CRYBG2: variants seen among roughly 807,000 people sequenced by gnomAD.
CRYBG2 encodes crystallin beta-gamma domain containing 2.
Under a neutral mutation model 153.4 loss-of-function variants are expected in CRYBG2, and 106 were observed. The observed-to-expected ratio is 0.69, with a 90% confidence interval of 0.59 to 0.81. CRYBG2 has a LOEUF of 0.81. Ranked by LOEUF, CRYBG2 falls within the 30% of genes least tolerant of loss-of-function variation. The pLI is 0.00. For synonymous variants in CRYBG2, 851 were observed against 877.8 expected, an observed-to-expected ratio of 0.97 and a Z score of 0.54; for missense variants, 1,996 against 2,112.0, an observed-to-expected ratio of 0.95 and a Z score of 1.08.
intron 14 of CRYBG2, among the ~76,000 whole-genome samples, chr1:26,334,653 G>A (rs1042635951): frequency 5.9e-5 from 9 of 152,200 alleles, no homozygotes; most frequent in South Asian, 2.1e-4. Context: ...AGCCAGGCAC[G>A]GTGGCTCATG....
chr1:26,350,920 G>T (rs2074279439), intron 1 of CRYBG2, among the ~76,000 whole-genome samples: 1 of 151,956 alleles, frequency 6.6e-6, no homozygotes, highest in Non-Finnish European at 1.5e-5. Context: ...CTGAGAAGCT[G>T]GTGGAATTCA....
chr1:26,342,852 C>A lies in CRYBG2; in HGVS notation c.3106G>T (p.Gly1036Cys), dbSNP rs765810219. The A allele has an allele frequency of 6.2e-7, 1 of 1,613,972 alleles. No homozygotes were observed. The highest frequency in any genetic ancestry group is 1.3e-5 in the African/African-American group (1 of 74,902). ...WVLYEEPEFR[G>C]QKLVLPEGDM... Reference sequence around the variant, plus strand: ...CCTTCAGGCAGGACCAGCTTCTGACCCCGGAACTCTGGCTCTTCGTACAGC... The same window carrying A: ...CCTTCAGGCAGGACCAGCTTCTGACACCGGAACTCTGGCTCTTCGTACAGC... The change falls in exon 5 of 20, where the codon GGT (glycine) becomes TGT (cysteine). Residue 1036 changes from glycine to cysteine, a missense_variant. Transcript: ENST00000308182.
intron 14 of CRYBG2, among the ~76,000 whole-genome samples, chr1:26,334,178 T>A (rs1330912172): frequency 6.6e-6 from 1 of 152,088 alleles, no homozygotes; most frequent in East Asian, 1.9e-4. Flanking sequence ...ATCCCAACAC[T>A]TTGGGAGACC....
intron 14 of CRYBG2, among the ~76,000 whole-genome samples, chr1:26,334,664 C>T (rs956394321): frequency 6.6e-6 from 1 of 152,088 alleles, no homozygotes; most frequent in Non-Finnish European, 1.5e-5. Flanking sequence ...GTGGCTCATG[C>T]CTGTAATCCC....
In CRYBG2 at chr1:26,339,448, A is replaced by G. The variant is rs752577816; in HGVS notation, c.3205-19T>C. ...TGTAGTCCTGTGGAAGGAGGGGGAA[A>G]ATTAAATATAGATAAACAGCCAGGC... On this transcript the variant is annotated intron_variant, in intron 5 of 19. Transcript: ENST00000308182. 1.9e-6 allele frequency: 3 copies of G among 1,613,046 alleles called. No individual in the cohort carries two copies. The highest frequency in any genetic ancestry group is 2.5e-6 in the Non-Finnish European group (3 of 1,179,846).
intron 5 of CRYBG2, 104 bp from the exon 6 acceptor site, chr1:26,339,533 A>T: frequency 7.7e-7 from 1 of 1,293,646 alleles, no homozygotes; most frequent in Non-Finnish European, 1.1e-6. Context: ...AGATCACCTG[A>T]GGTCAGCAGT....
rs2074222291 is a variant in CRYBG2, at chr1:26,346,436, CTCT to C, written c.219_221del (p.Glu74del). 1.2e-6 allele frequency: 2 copies of C among 1,602,800 alleles called. No homozygotes were observed. The highest frequency in any genetic ancestry group is 2.7e-5 in the African/African-American group (2 of 74,882). ...CCCGAGGGCCCTGGCAATTCACAGT[CTCT>C]TCTTCCTGTGTTGCAAAGCCATTGA... On this transcript the variant is annotated inframe_deletion, in exon 2 of 20. Transcript: ENST00000308182. The surrounding 1 kb of genome is among the most constrained non-coding windows in gnomAD (Gnocchi z 4.9).
intron 6 of CRYBG2, 44 bp downstream of exon 6, chr1:26,339,246 C>T (rs1446737422): frequency 6.3e-7 from 1 of 1,591,740 alleles, no homozygotes; most frequent in Non-Finnish European, 8.5e-7. Context: ...GCACCCAGCA[C>T]AGTGAATGTC....
At chr1:26,347,082 G>C (rs569172462) in intron 1 of CRYBG2, among the ~76,000 whole-genome samples, 154 of 152,268 alleles carry the variant, frequency 1.0e-3, no homozygotes, top group African/African-American at 3.5e-3. Flanking sequence ...AGTCCCCCAG[G>C]AGCTGAAAAC....
At chr1:26,322,422 G>A (rs1002246308) in intron 18 of CRYBG2, 99 bp from the exon 19 acceptor site, 4 of 1,376,030 alleles carry the variant, frequency 2.9e-6, no homozygotes, top group Non-Finnish European at 2.9e-6. Context: ...CTGGCTCTTA[G>A]GGACTGTGGC....
rs774809814 is a variant in CRYBG2, at chr1:26,345,610, A to G, written c.1048T>C (p.Ser350Pro). 102 of 1,600,084 alleles carry G rather than the reference A, an allele frequency of 6.4e-5. No homozygotes were observed. The highest frequency in any genetic ancestry group is 8.5e-5 in the Non-Finnish European group (100 of 1,179,778). ...LPLQTSQGQASVPSSPRLETH... is the reference protein window; with the variant it reads ...LPLQTSQGQAPVPSSPRLETH... Reference sequence around the variant, plus strand: ...TCGAGTCTGGGAGAGGAGGGGACTGATGCTTGACCCTGAGAAGTCTGGAGA... The same window carrying G: ...TCGAGTCTGGGAGAGGAGGGGACTGGTGCTTGACCCTGAGAAGTCTGGAGA... The change falls in exon 2 of 20, where the codon TCA becomes CCA. Residue 350 changes from serine (S) to proline (P), a missense_variant. Physicochemically the swap from Ser to Pro is moderately conservative, Grantham distance 74. Transcript: ENST00000308182.
intron 8 of CRYBG2, 92 bp from the exon 9 acceptor site, chr1:26,337,766 C>T: frequency 3.3e-6 from 5 of 1,497,254 alleles, no homozygotes; most frequent in South Asian, 1.2e-5. Context: ...CAATGTGGCA[C>T]CCCCCAGCCC....
intron 18 of CRYBG2, 115 bp from the exon 19 acceptor site, chr1:26,322,438 G>T (rs2073871408): frequency 8.0e-7 from 1 of 1,243,206 alleles, no homozygotes; most frequent in Non-Finnish European, 1.1e-6. Context: ...GTGGCCCTGG[G>T]CAAGTCTCTT....
At chr1:26,330,195 A>G (rs948738396) in intron 15 of CRYBG2, among the ~76,000 whole-genome samples, 1 of 152,350 alleles carries the variant, frequency 6.6e-6, no homozygotes, top group African/African-American at 2.4e-5. Flanking sequence ...TAAGTGCTTT[A>G]CCTGATCTCA....
In CRYBG2 at chr1:26,343,863, G is replaced by T. The variant is rs1351151950; in HGVS notation, c.2795C>A (p.Ala932Asp). 30 of 1,501,240 alleles carry T rather than the reference G, an allele frequency of 2.0e-5. No individual in the cohort carries two copies. The highest frequency in any genetic ancestry group is 2.5e-5 in the Non-Finnish European group (28 of 1,121,548). The allele number at this position is 1,501,240 out of a possible 1,614,324, so 93.0% of individuals were successfully genotyped here. A position where few individuals can be genotyped will look rare whatever the true frequency, so the allele number is the denominator to read the frequency against. ...TPEPLGTKLSALLPHGAPGLR... is the reference protein window; with the variant it reads ...TPEPLGTKLSDLLPHGAPGLR... ...CCCCGGTGCCCCATGGGGCAGCAGA[G>T]CAGATAGTTTTGTGCCCAGCGGTTC... The change falls in exon 2 of 20, where the codon GCT (alanine) becomes GAT (aspartate). Residue 932 changes from alanine (A) to aspartate (D), a missense_variant. Ala to Asp is a moderately radical substitution (Grantham distance 126, BLOSUM62 -2). Transcript: ENST00000308182. The surrounding 1 kb of genome is among the most constrained non-coding windows in gnomAD (Gnocchi z 4.1).
chr1:26,326,015 G>A (rs187275779), intron 17 of CRYBG2, among the ~76,000 whole-genome samples: 21 of 151,996 alleles, frequency 1.4e-4, no homozygotes, highest in Admixed American at 4.6e-4. Context: ...TGATCCTCCC[G>A]AGTAGCTGGG....
At chr1:26,338,808 TC>T in intron 6 of CRYBG2, among the ~76,000 whole-genome samples, 1 of 152,210 alleles carries the variant, frequency 6.6e-6, no homozygotes, top group Non-Finnish European at 1.5e-5. Context: ...CCTCAGTTCT[TC>T]CCACTTGTTG....
At position 26,336,229 on chromosome 1, in the gene CRYBG2, G is replaced by T. The variant is rs760655355; in HGVS notation, c.4072-22C>A. 8.3e-6 allele frequency: 13 copies of T among 1,567,772 alleles called. No homozygotes were observed. The highest frequency in any genetic ancestry group is 8.7e-7 in the Non-Finnish European group (1 of 1,154,072). On this transcript the variant is annotated intron_variant, in intron 13 of 19. Coordinates refer to ENST00000308182, the MANE Select transcript of CRYBG2 (RefSeq NM_001039775.4). This position sits in a 1 kb window ranked among gnomAD's most constrained non-coding sequence, Gnocchi z 4.9. ...GAATCTGGAGGCAGAGAGGGGAGAT[G>T]AGGGGAAGGAGGACGATGGAGTGGG... is the stretch of plus-strand genomic sequence containing the variant.
At chr1:26,349,349 T>C (rs1570217544) in intron 1 of CRYBG2, among the ~76,000 whole-genome samples, 1 of 151,740 alleles carries the variant, frequency 6.6e-6, no homozygotes, top group South Asian at 2.1e-4. Flanking sequence ...GGCTATGAGG[T>C]TGTCAAGCAG....
Sources: gnomAD v4.1 joint callset for allele counts (sites outside exome capture counted in the v4.1 genomes callset) on GRCh38, gnomAD v4.1.1 for gene constraint, Gnocchi (gnomAD v3.1) non-coding constraint, MANE v1.5 for transcripts, NCBI Gene and HGNC (gene_info 2026-07-23, HGNC 2026-07-21) for gene names.